DNAH14: variants seen among roughly 807,000 people sequenced by gnomAD.
The protein encoded by DNAH14 is axonemal beta dynein heavy chain 14.
A neutral mutation model predicts 520.9 loss-of-function variants in DNAH14; 478 were observed. The ratio of observed to expected loss-of-function variants is 0.92; its 90% CI spans 0.85 to 0.99. DNAH14 has a LOEUF of 0.99. Ranked by LOEUF, DNAH14 falls within the 50% of genes least tolerant of loss-of-function variation. The probability of loss-of-function intolerance (pLI) is 0.00; values close to 1 mark genes in which losing one functional copy is unlikely to be tolerated. For missense variants in DNAH14, 4,831 were observed against 5,234.5 expected (o/e 0.92, Z 2.38); for synonymous variants, 1,581 against 1,757.2 (o/e 0.90, Z 2.51).
chr1:225,061,384 G>A (rs1468492866), intron 17 of DNAH14, among the ~76,000 whole-genome samples: 3 of 152,252 alleles, frequency 2.0e-5, no homozygotes, highest in African/African-American at 7.2e-5. Context: ...TAGGGTGGGA[G>A]TGACCCGATT....
At chr1:225,392,473 T>A in intron 84 of DNAH14, 22 bp downstream of exon 84, 1 of 1,550,490 alleles carries the variant, frequency 6.4e-7, no homozygotes, top group Non-Finnish European at 8.7e-7. Flanking sequence ...CTTCAAGGAT[T>A]AGAAACGGTG....
chr1:225,306,323 A>G (rs1290582112), intron 58 of DNAH14, among the ~76,000 whole-genome samples: 1 of 152,204 alleles, frequency 6.6e-6, no homozygotes, highest in Non-Finnish European at 1.5e-5. Flanking sequence ...GAATCATATC[A>G]GTGCTCAGAA....
chr1:225,019,199 A>G (rs1374711059), intron 10 of DNAH14, among the ~76,000 whole-genome samples: 1 of 151,972 alleles, frequency 6.6e-6, no homozygotes, highest in Non-Finnish European at 1.5e-5. Context: ...CAACACCCAT[A>G]GACTCAAAGT....
At chr1:225,391,298 C>A (rs920518070) in intron 83 of DNAH14, among the ~76,000 whole-genome samples, 1 of 151,978 alleles carries the variant, frequency 6.6e-6, no homozygotes, top group Admixed American at 6.5e-5. Flanking sequence ...AAGACTGGGT[C>A]CTGGTCATAT....
At chr1:225,189,898 GTGTAACATT>G (rs1349737589) in intron 37 of DNAH14, among the ~76,000 whole-genome samples, 1 of 151,332 alleles carries the variant, frequency 6.6e-6, no homozygotes, top group African/African-American at 2.4e-5. Context: ...TTTTTTTCTA[GTGTAACATT>G]TGGATTCCTT....
intron 8 of DNAH14, among the ~76,000 whole-genome samples, chr1:224,978,879 A>G (rs1371149835): frequency 1.3e-5 from 2 of 152,080 alleles, no homozygotes; most frequent in African/African-American, 2.4e-5. Flanking sequence ...GGCTTCAAGT[A>G]GTCCTCCCAC....
chr1:225,065,308 A>G (rs568696998), intron 17 of DNAH14, among the ~76,000 whole-genome samples: 9 of 152,018 alleles, frequency 5.9e-5, no homozygotes, highest in African/African-American at 2.2e-4. Context: ...TAATTAAGCT[A>G]ATTAACATAT....
rs1255355664 is a variant in DNAH14 at position 225,272,046 on chromosome 1, C to T, written c.7812C>T (p.Tyr2604=). ...NMLPTPTKCH[Y]MFNLRDMFKL... ...TACCAACTCCAACAAAATGTCACTA[C>T]ATGTTTAATCTTCGAGATATGTTTA... Residue 2604 remains tyrosine, a synonymous_variant, in exon 51 of 86, where the codon TAC becomes TAT. Transcript: ENST00000682510. 11 of 1,549,720 alleles carry T rather than the reference C, an allele frequency of 7.1e-6. No homozygotes were observed. Among genetic ancestry groups the T allele is most frequent in the Middle Eastern group, 1.7e-4 (1 of 5,972 alleles).
intron 17 of DNAH14, among the ~76,000 whole-genome samples, chr1:225,057,047 G>GT (rs561999975): frequency 1.2e-4 from 19 of 152,210 alleles, no homozygotes; most frequent in Non-Finnish European, 2.2e-4. Flanking sequence ...CTTTAAAGTA[G>GT]TTTTTTTCCA....
chr1:225,043,139 A>AT, intron 13 of DNAH14, 25 bp downstream of exon 13: 4 of 1,532,660 alleles, frequency 2.6e-6, no homozygotes, highest in Non-Finnish European at 3.5e-6. Flanking sequence ...ACTATAAAGA[A>AT]TGAGGGGTTG....
chr1:225,050,099 C>T lies in DNAH14; in HGVS notation c.1913-111C>T, dbSNP rs2068396244. On this transcript the variant is annotated intron_variant, in intron 15 of 85. Coordinates refer to ENST00000682510, the MANE Select transcript of DNAH14 (RefSeq NM_001367479.1). ...TATAAATATAGAATATTGTCTAACC[C>T]TCATAATAAATCAGCCCCCATTTTC... is the stretch of plus-strand genomic sequence containing the variant. 6 of 890,774 alleles carry T rather than the reference C, an allele frequency of 6.7e-6. No individual in the cohort carries two copies. In the East Asian group the frequency reaches 1.5e-4, roughly 22 times the overall value. The allele number at this position is 890,774 out of a possible 1,614,324, so 55.2% of individuals were successfully genotyped here. A position where few individuals can be genotyped will look rare whatever the true frequency, so the allele number is the denominator to read the frequency against.
intron 77 of DNAH14, among the ~76,000 whole-genome samples, chr1:225,368,444 C>T (rs1361422208): frequency 1.3e-5 from 2 of 152,142 alleles, no homozygotes; most frequent in Non-Finnish European, 2.9e-5. Context: ...TTTGTTGGTA[C>T]GACTTATTCA....
chr1:225,002,077 G>A (rs1205285352), intron 8 of DNAH14, among the ~76,000 whole-genome samples: 1 of 152,068 alleles, frequency 6.6e-6, no homozygotes, highest in Non-Finnish European at 1.5e-5. Context: ...TATATTATGA[G>A]CTTGATAACC....
At chr1:225,350,044 G>C (rs529892957) in intron 71 of DNAH14, among the ~76,000 whole-genome samples, 1 of 152,206 alleles carries the variant, frequency 6.6e-6, no homozygotes, top group South Asian at 2.1e-4. Flanking sequence ...CCACATGTTA[G>C]ACCATAAAAC....
At chr1:225,284,916 C>T (rs2093701805) in intron 54 of DNAH14, among the ~76,000 whole-genome samples, 1 of 152,002 alleles carries the variant, frequency 6.6e-6, no homozygotes, top group Non-Finnish European at 1.5e-5. Context: ...TGCAGAGAAG[C>T]ACGACAAAAT....
chr1:225,009,593 T>C (rs954130181), intron 10 of DNAH14, among the ~76,000 whole-genome samples: 4 of 152,190 alleles, frequency 2.6e-5, no homozygotes, highest in Non-Finnish European at 4.4e-5. Flanking sequence ...TAAAGGCTCT[T>C]TTTTGGTTCC....
intron 30 of DNAH14, among the ~76,000 whole-genome samples, chr1:225,145,641 C>A (rs1335366929): frequency 6.6e-6 from 1 of 152,082 alleles, no homozygotes; most frequent in African/African-American, 2.4e-5. Context: ...CAGTTGGATT[C>A]TTTTCAATAA....
intron 15 of DNAH14, among the ~76,000 whole-genome samples, chr1:225,044,694 G>A (rs1390089001): frequency 6.6e-6 from 1 of 152,082 alleles, no homozygotes; most frequent in Non-Finnish European, 1.5e-5. Flanking sequence ...TTTAAAGTTT[G>A]CATTGTATTA....
intron 10 of DNAH14, among the ~76,000 whole-genome samples, chr1:225,022,841 C>T (rs545936431): frequency 6.6e-6 from 1 of 152,288 alleles, no homozygotes; most frequent in Admixed American, 6.5e-5. Context: ...TGGAATCAAC[C>T]TAGATGCCCA....
Sources: allele counts gnomAD v4.1 joint callset (sites outside exome capture counted in the v4.1 genomes callset), GRCh38; gene constraint gnomAD v4.1.1; transcripts MANE v1.5; gene names NCBI Gene and HGNC (gene_info 2026-07-23, HGNC 2026-07-21).